PRKCH: variants seen among roughly 807,000 people sequenced by gnomAD.
PRKCH encodes protein kinase C eta type.
Under a neutral mutation model 82.5 loss-of-function variants are expected in PRKCH, and 28 were observed. That is an observed-to-expected ratio of 0.34 (90% CI 0.25 to 0.47). The LOEUF (loss-of-function observed/expected upper bound fraction) is 0.47. PRKCH is among the 20% of genes least tolerant of loss of function. The probability of loss-of-function intolerance (pLI) is 1.00; values close to 1 mark genes in which losing one functional copy is unlikely to be tolerated. For missense variants in PRKCH, 705 were observed against 881.8 expected, an observed-to-expected ratio of 0.80 and a Z score of 2.54; for synonymous variants, 322 against 327.4, an observed-to-expected ratio of 0.98 and a Z score of 0.18.
intron 1 of PRKCH, among the ~76,000 whole-genome samples, chr14:61,336,371 A>G (rs2045857620): frequency 6.6e-6 from 1 of 152,198 alleles, no homozygotes. Context: ...ATTGGGGGTA[A>G]ATTCTGTACA....
rs763816645 is a variant in PRKCH, at chr14:61,280,740, G to A, written c.-19+93072G>A. The A allele has an allele frequency of 6.4e-7, 1 of 1,572,766 alleles. No homozygotes were observed. The highest frequency in any genetic ancestry group is 1.2e-5 in the South Asian group (1 of 86,602). ...TGACAGGGTGGCGCAGCGCGCTGGG[G>A]AGTCCGCTCAGCTGCGCGTCGTCGC... is the stretch of plus-strand genomic sequence containing the variant. On this transcript the variant is annotated intron_variant, in intron 1 of 3. Coordinates refer to the PRKCH transcript ENST00000555185. This position sits in a 1 kb window ranked among gnomAD's most constrained non-coding sequence, Gnocchi z 5.0.
intron 2 of PRKCH, among the ~76,000 whole-genome samples, chr14:61,421,169 T>C (rs920674121): frequency 6.6e-6 from 1 of 151,642 alleles, no homozygotes; most frequent in African/African-American, 2.4e-5. Context: ...GTTCCCAGGA[T>C]GCTTTTTGTC....
intron 1 of PRKCH, among the ~76,000 whole-genome samples, chr14:61,336,733 T>C (rs1259226964): frequency 6.6e-6 from 1 of 152,130 alleles, no homozygotes; most frequent in African/African-American, 2.4e-5. Context: ...GGATGTGAAT[T>C]GTTCTGTCAT....
chr14:61,474,490 T>G (rs1163159228), intron 9 of PRKCH, among the ~76,000 whole-genome samples: 1 of 151,998 alleles, frequency 6.6e-6, no homozygotes, highest in Non-Finnish European at 1.5e-5. Flanking sequence ...CTGCATGTTC[T>G]CACTCATAGG....
chr14:61,422,655 G>A (rs537141060), intron 2 of PRKCH, among the ~76,000 whole-genome samples: 49 of 152,332 alleles, frequency 3.2e-4, no homozygotes, highest in Middle Eastern at 3.4e-3. Flanking sequence ...AGATAAAGCA[G>A]CAATTGCTTT....
intron 2 of PRKCH, among the ~76,000 whole-genome samples, chr14:61,421,026 A>G (rs912145281): frequency 6.6e-6 from 1 of 151,886 alleles, no homozygotes; most frequent in Non-Finnish European, 1.5e-5. Flanking sequence ...ATAAATACAC[A>G]GACCATTGAA....
intron 1 of PRKCH, among the ~76,000 whole-genome samples, chr14:61,340,383 TG>T (rs2045916723): frequency 4.6e-4 from 1 of 2,184 alleles, no homozygotes; most frequent in Non-Finnish European, 9.8e-4. Context: ...GGGGGCGGGG[TG>T]GGGGGCGGGG....
intron 9 of PRKCH, among the ~76,000 whole-genome samples, chr14:61,467,557 G>A (rs1403578798): frequency 6.6e-6 from 1 of 152,244 alleles, no homozygotes; most frequent in East Asian, 1.9e-4. Context: ...GACACCCAGC[G>A]CAAGGGGAAG....
At position 61,322,091 on chromosome 14, in the gene PRKCH, G is replaced by C. The variant is rs2045632606; in HGVS notation, c.-11G>C. On this transcript the variant is annotated 5_prime_UTR_variant, in exon 1 of 14. Transcript: ENST00000332981. ...AGCGCGGCCCCCCGGGGCCGGGGCA[G>C]CGGCGCCGGCATGTCGTCTGGCACC... 5 of 1,533,624 alleles carry C rather than the reference G, an allele frequency of 3.3e-6. No homozygotes were observed. The Admixed American group carries it at 9.8e-5, about 30-fold the overall frequency.
At position 61,322,302 on chromosome 14, in the gene PRKCH, G is replaced by C. The variant is rs755352687; in HGVS notation, c.201G>C (p.Thr67=). 3.7e-6 allele frequency: 6 copies of C among 1,613,094 alleles called. No homozygotes were observed. The highest frequency in any genetic ancestry group is 8.5e-7 in the Non-Finnish European group (1 of 1,179,844). ...CCAAGCAGAAGACCAACAAACCCACGTACAACGAGGAGTTTTGCGCTAACG... is the reference window on the plus strand; with the variant it reads ...CCAAGCAGAAGACCAACAAACCCACCTACAACGAGGAGTTTTGCGCTAACG... ...TSTKQKTNKP[T]YNEEFCANVT... The change falls in exon 1 of 14, where the codon ACG becomes ACC. Residue 67 remains threonine (T), a synonymous_variant. Coordinates refer to ENST00000332981, the MANE Select transcript of PRKCH (RefSeq NM_006255.5).
chr14:61,453,479 CCTTT>C lies in PRKCH; in HGVS notation c.960+141_960+144del, dbSNP rs10569436. 28,095 of 922,422 alleles carry C rather than the reference CCTTT, an allele frequency of 0.03. 5,807 individuals are homozygous for C. The African/African-American group carries it at 0.45, about 15-fold the overall frequency. The allele number at this position is 922,422 out of a possible 1,614,324, so 57.1% of individuals were successfully genotyped here. A position where few individuals can be genotyped will look rare whatever the true frequency, so the allele number is the denominator to read the frequency against. ...GCAAATACAATAAACAGACTTATTG[CCTTT>C]CTTTCTTTCTTTCTCTTTCTTTCTT... is the stretch of plus-strand genomic sequence containing the variant. On this transcript the variant is annotated intron_variant, in intron 7 of 13. Coordinates refer to ENST00000332981, the MANE Select transcript of PRKCH (RefSeq NM_006255.5).
chr14:61,458,899 A>G (rs1219083434), intron 9 of PRKCH, among the ~76,000 whole-genome samples: 1 of 152,202 alleles, frequency 6.6e-6, no homozygotes, highest in Non-Finnish European at 1.5e-5. Flanking sequence ...CCAACATTAG[A>G]GATTCCAATT....
At chr14:61,316,682 C>T (rs144816519), upstream of PRKCH, among the ~76,000 whole-genome samples, 106 of 152,324 alleles carry the variant, frequency 7.0e-4, no homozygotes, top group African/African-American at 2.4e-3. Context: ...ACAATTCCTT[C>T]TTACGGAGAC....
At chr14:61,467,490 G>A (rs1402012927) in intron 9 of PRKCH, among the ~76,000 whole-genome samples, 3 of 152,228 alleles carry the variant, frequency 2.0e-5, no homozygotes, top group Non-Finnish European at 4.4e-5. Context: ...GATGTGGGGA[G>A]GAGAAGGCAT....
chr14:61,472,362 A>G (rs1274779550), intron 9 of PRKCH, among the ~76,000 whole-genome samples: 1 of 152,218 alleles, frequency 6.6e-6, no homozygotes, highest in African/African-American at 2.4e-5. Context: ...ATTTTATGAA[A>G]AGCATCCTCC....
At chr14:61,198,206 A>G (rs1417488479) in intron 1 of PRKCH, among the ~76,000 whole-genome samples, 5 of 152,180 alleles carry the variant, frequency 3.3e-5, no homozygotes. Flanking sequence ...TCTCTGCATT[A>G]GCCATCCACT....
At chr14:61,309,221 G>A (rs907869786) in intron 1 of PRKCH, among the ~76,000 whole-genome samples, 40 of 152,120 alleles carry the variant, frequency 2.6e-4, no homozygotes, top group African/African-American at 9.7e-4. Flanking sequence ...GGTCGAGGCT[G>A]CAGTGAGCCG....
In PRKCH at chr14:61,263,811, G is replaced by A. The variant is rs544712880; in HGVS notation, c.-19+76143G>A. 7.3e-4 allele frequency among the ~76,000 whole-genome samples: 111 copies of A among 151,162 alleles called. 1 individual carries two copies. Among genetic ancestry groups the A allele is most frequent in the Non-Finnish European group, 1.4e-3 (92 of 67,932 alleles). ...CTCTAAAATTTAGAATATACGAGCA[G>A]GTAATGTCTAAGGAAAAGCATCTGA... On this transcript the variant is annotated intron_variant, in intron 1 of 3. Coordinates refer to the PRKCH transcript ENST00000555185.
intron 9 of PRKCH, among the ~76,000 whole-genome samples, chr14:61,481,149 G>A (rs1885953454): frequency 6.6e-6 from 1 of 152,246 alleles, no homozygotes; most frequent in South Asian, 2.1e-4. Flanking sequence ...ACTGAGAGCA[G>A]TGTGGAGTCA....
Sources: allele counts gnomAD v4.1 joint callset (sites outside exome capture counted in the v4.1 genomes callset), GRCh38; gene constraint gnomAD v4.1.1; non-coding constraint Gnocchi (gnomAD v3.1); transcripts MANE v1.5; gene names NCBI Gene and HGNC (gene_info 2026-07-23, HGNC 2026-07-21).